Variants in SASH1 observed in about 807,000 individuals in gnomAD.
SASH1 encodes SAM and SH3 domain containing 1.
In SASH1, 44 loss-of-function variants were observed where a neutral mutation model predicts 125.2. The ratio of observed to expected loss-of-function variants is 0.35; its 90% CI spans 0.28 to 0.45. The LOEUF (loss-of-function observed/expected upper bound fraction) is 0.45. Among genes scored for constraint, SASH1 ranks in the 20% least tolerant of loss-of-function variants. SASH1 has a pLI of 1.00. For synonymous variants in SASH1, 639 were observed against 649.1 expected, an observed-to-expected ratio of 0.98 and a Z score of 0.24; for missense variants, 1,426 against 1,614.5, an observed-to-expected ratio of 0.88 and a Z score of 2.00.
At chr6:148,445,397 A>C (rs1776728431) in intron 4 of SASH1, among the ~76,000 whole-genome samples, 1 of 152,172 alleles carries the variant, frequency 6.6e-6, no homozygotes, top group South Asian at 2.1e-4. Context: ...GAACAGGTGA[A>C]ATTAACTAAT....
At chr6:148,316,850 G>A (rs550429532) in intron 1 of SASH1, among the ~76,000 whole-genome samples, 2 of 152,286 alleles carry the variant, frequency 1.3e-5, no homozygotes, top group South Asian at 2.1e-4. Flanking sequence ...TATGAGAAAA[G>A]GTGTGTATCT....
At chr6:148,406,350 A>G (rs1461066945) in intron 2 of SASH1, among the ~76,000 whole-genome samples, 1 of 152,168 alleles carries the variant, frequency 6.6e-6, no homozygotes, top group Admixed American at 6.5e-5. Context: ...TAAAAAAAAA[A>G]GAAGTCGTAG....
chr6:148,257,693 C>T, the SASH1 span, among the ~76,000 whole-genome samples: 5 of 144,716 alleles, frequency 3.5e-5, no homozygotes, highest in East Asian at 4.1e-4. Context: ...TGCAGTGGTG[C>T]GACCTCAGCT....
intron 9 of SASH1, among the ~76,000 whole-genome samples, chr6:148,516,488 G>A (rs1460433642): frequency 2.5e-5 from 2 of 79,484 alleles, no homozygotes; most frequent in South Asian, 4.4e-4. Flanking sequence ...ACGCCAGTAG[G>A]CGCCCCCTCC....
At chr6:148,302,820 G>GTATATATA (rs71031062) in intron 1 of SASH1, among the ~76,000 whole-genome samples, 4,179 of 143,752 alleles carry the variant, frequency 0.029, 73 homozygotes, top group Middle Eastern at 0.05. Context: ...GACCTCAGGA[G>GTATATATA]TATATATATA....
At chr6:148,236,875 C>T in the SASH1 span, among the ~76,000 whole-genome samples, 5 of 152,244 alleles carry the variant, frequency 3.3e-5, no homozygotes, top group African/African-American at 9.6e-5. Flanking sequence ...GTTTAGATCA[C>T]GAGGGTTCCA....
intron 1 of SASH1, among the ~76,000 whole-genome samples, chr6:148,288,225 C>T (rs1486378847): frequency 1.3e-5 from 2 of 152,168 alleles, no homozygotes; most frequent in Non-Finnish European, 2.9e-5. Flanking sequence ...GTCAAGTGTG[C>T]TTTTCAATCA....
chr6:148,289,010 TTG>T (rs1320310284), intron 1 of SASH1, among the ~76,000 whole-genome samples: 1 of 152,046 alleles, frequency 6.6e-6, no homozygotes, highest in Non-Finnish European at 1.5e-5. Flanking sequence ...TCTTTTTTTT[TTG>T]TGACGGAGTT....
At chr6:148,499,298 C>T (rs1467581662) in intron 8 of SASH1, among the ~76,000 whole-genome samples, 1 of 152,124 alleles carries the variant, frequency 6.6e-6, no homozygotes, top group Non-Finnish European at 1.5e-5. Flanking sequence ...ACACTACTAA[C>T]TTTCTAATGT....
intron 1 of SASH1, among the ~76,000 whole-genome samples, chr6:148,330,119 C>T (rs1780947530): frequency 6.6e-6 from 1 of 152,192 alleles, no homozygotes; most frequent in Non-Finnish European, 1.5e-5. Context: ...AATGACTCAA[C>T]ACATACTTTT....
At chr6:148,276,569 GA>G (rs1242764560) in intron 1 of SASH1, among the ~76,000 whole-genome samples, 2 of 152,192 alleles carry the variant, frequency 1.3e-5, no homozygotes, top group Non-Finnish European at 2.9e-5. Context: ...GAGGAAGAGG[GA>G]ACAAAGTATA....
the SASH1 span, among the ~76,000 whole-genome samples, chr6:148,202,876 C>T: frequency 3.9e-5 from 6 of 152,064 alleles, no homozygotes; most frequent in Non-Finnish European, 8.8e-5. Flanking sequence ...ATCGCTTGAA[C>T]CCGGTAGGCA....
the SASH1 span, among the ~76,000 whole-genome samples, chr6:148,205,934 A>G: frequency 3.3e-5 from 5 of 151,952 alleles, no homozygotes; most frequent in Non-Finnish European, 7.4e-5. Context: ...TTTGCATTCC[A>G]TTGCCTCAGA....
At chr6:148,366,461 C>A (rs1403561863) in intron 1 of SASH1, among the ~76,000 whole-genome samples, 1 of 152,148 alleles carries the variant, frequency 6.6e-6, no homozygotes, top group African/African-American at 2.4e-5. Context: ...CTTGTCCGGA[C>A]TTGGTGGGGC....
At chr6:148,360,697 G>A (rs988596840) in intron 1 of SASH1, among the ~76,000 whole-genome samples, 66 of 151,432 alleles carry the variant, frequency 4.4e-4, no homozygotes, top group African/African-American at 1.6e-3. Context: ...AAGAATGGAT[G>A]ACCTAGTAAT....
intron 8 of SASH1, among the ~76,000 whole-genome samples, chr6:148,506,986 C>T (rs972594604): frequency 3.3e-5 from 5 of 152,100 alleles, no homozygotes; most frequent in Admixed American, 1.3e-4. Flanking sequence ...TGGACAAATA[C>T]AAGTGTTGGA....
At chr6:148,498,372 G>A (rs9377142) in intron 8 of SASH1, among the ~76,000 whole-genome samples, 1 of 151,536 alleles carries the variant, frequency 6.6e-6, no homozygotes, top group Non-Finnish European at 1.5e-5. Context: ...CTGCACTCCA[G>A]CCTGGGTGGC....
chr6:148,343,110 C>CCCGAGA lies in SASH1; in HGVS notation c.48_49insACCGAG (p.Glu16_Pro17insThrGlu), dbSNP rs1372759414. 3.2e-6 allele frequency: 5 copies of CCCGAGA among 1,581,582 alleles called. No homozygotes were observed. Among genetic ancestry groups the CCCGAGA allele is most frequent in the Non-Finnish European group, 4.3e-6 (5 of 1,170,972 alleles). ...AGCTGGCCCGGGGCCGGAGCCTGAG[C>CCCGAGA]CCGAGCCCGAGCCGGAGCCCGAGCC... On this transcript the variant is annotated inframe_insertion, in exon 1 of 20. Transcript: ENST00000367467.
intron 1 of SASH1, among the ~76,000 whole-genome samples, chr6:148,311,765 T>C (rs1203216277): frequency 6.6e-6 from 1 of 152,108 alleles, no homozygotes; most frequent in Non-Finnish European, 1.5e-5. Context: ...AATGGCACCA[T>C]ACCACTGCAC....
Sources: allele counts gnomAD v4.1 joint callset (sites outside exome capture counted in the v4.1 genomes callset), GRCh38; gene constraint gnomAD v4.1.1; transcripts MANE v1.5; gene names NCBI Gene and HGNC (gene_info 2026-07-23, HGNC 2026-07-21).